Variants in MALRD1 observed in about 807,000 individuals in gnomAD.
The protein encoded by MALRD1 is MAM and LDL-receptor class A domain-containing protein 1.
MALRD1 carries 247 observed loss-of-function variants against 242.1 expected under a neutral mutation model. That is an observed-to-expected ratio of 1.02 (90% confidence interval 0.92 to 1.13). The LOEUF (loss-of-function observed/expected upper bound fraction) is 1.13. MALRD1 is among the 50% of genes most tolerant of loss of function. MALRD1 has a pLI of 0.00. For synonymous variants in MALRD1, 995 were observed against 866.6 expected, an observed-to-expected ratio of 1.15 and a Z score of -2.60; for missense variants, 2,989 against 2,533.1, an observed-to-expected ratio of 1.18 and a Z score of -3.86.
chr10:19,241,644 G>T (rs891977841), intron 18 of MALRD1, among the ~76,000 whole-genome samples: 1 of 151,870 alleles, frequency 6.6e-6, no homozygotes, highest in Non-Finnish European at 1.5e-5. Flanking sequence ...GTATAATTTT[G>T]CTTTGTGATT....
chr10:19,723,332 G>A (rs1006941605), intron 38 of MALRD1, among the ~76,000 whole-genome samples: 3 of 152,084 alleles, frequency 2.0e-5, no homozygotes, highest in African/African-American at 7.2e-5. Context: ...GAGTGGACAG[G>A]TTTTGACACT....
chr10:19,435,926 A>C (rs1834333410), intron 28 of MALRD1, among the ~76,000 whole-genome samples: 1 of 152,112 alleles, frequency 6.6e-6, no homozygotes. Flanking sequence ...CCATTTATTT[A>C]TATTAGTATG....
At chr10:19,650,949 G>A (rs1263241008) in intron 36 of MALRD1, among the ~76,000 whole-genome samples, 1 of 152,170 alleles carries the variant, frequency 6.6e-6, no homozygotes. Context: ...ATTAGAGAAT[G>A]CATCAGGAGT....
chr10:19,418,231 A>C (rs536736583), intron 28 of MALRD1, among the ~76,000 whole-genome samples: 1 of 152,194 alleles, frequency 6.6e-6, no homozygotes, highest in South Asian at 2.1e-4. Context: ...TATATTCAGT[A>C]AACTAGCTAG....
intron 26 of MALRD1, among the ~76,000 whole-genome samples, chr10:19,369,769 G>A (rs1845292274): frequency 6.6e-6 from 1 of 151,356 alleles, no homozygotes; most frequent in Admixed American, 6.6e-5. Flanking sequence ...CTATTTGTCT[G>A]ATTAACATTG....
At chr10:19,138,244 G>A (rs1833420687) in intron 10 of MALRD1, among the ~76,000 whole-genome samples, 2 of 152,080 alleles carry the variant, frequency 1.3e-5, no homozygotes, top group Admixed American at 1.3e-4. Flanking sequence ...CAAAACAAAC[G>A]ATGTAAGAGC....
intron 33 of MALRD1, among the ~76,000 whole-genome samples, chr10:19,594,522 A>G (rs10827627): frequency 0.41 from 61,929 of 152,000 alleles, 14,255 homozygotes; most frequent in Non-Finnish European, 0.53. Context: ...TATGAAAAAG[A>G]CACATCCTTA....
At chr10:19,127,329 A>G (rs1231218682) in intron 7 of MALRD1, among the ~76,000 whole-genome samples, 1 of 152,196 alleles carries the variant, frequency 6.6e-6, no homozygotes, top group South Asian at 2.1e-4. Flanking sequence ...ACTGTGCAAA[A>G]GACATTAATG....
intron 19 of MALRD1, among the ~76,000 whole-genome samples, chr10:19,279,641 G>A (rs185064575): frequency 6.6e-6 from 1 of 152,202 alleles, no homozygotes. Flanking sequence ...ATGAGGAGAT[G>A]TTAGATTTAT....
chr10:19,327,794 G>A (rs575610683), intron 23 of MALRD1, 121 bp downstream of exon 23: 75 of 756,038 alleles, frequency 9.9e-5, no homozygotes, highest in Non-Finnish European at 1.5e-4. Flanking sequence ...TTCTGTGGAT[G>A]CGTGGACACC....
In MALRD1 at chr10:19,491,573, A is replaced by C. The variant is rs1298896269; in HGVS notation, c.5086A>C (p.Lys1696Gln). The part of the protein sequence containing the change: ...EITDFLCRDK[K>Q]CIASHLLCDY... ...CACTGATTTTTTGTGCCGGGACAAG[A>C]AGTGCATTGCATCCCACCTTCTTTG... Residue 1696 changes from lysine (K) to glutamine (Q), a missense_variant, in exon 30 of 40, where the codon AAG becomes CAG. Transcript: ENST00000454679. The C allele has an allele frequency of 3.2e-6, 5 of 1,550,150 alleles. No individual in the cohort carries two copies. In the East Asian group the frequency reaches 9.8e-5, roughly 30 times the overall value.
intron 38 of MALRD1, among the ~76,000 whole-genome samples, chr10:19,696,255 A>G (rs1304405595): frequency 1.3e-5 from 2 of 152,172 alleles, no homozygotes; most frequent in Admixed American, 1.3e-4. Context: ...CATTCCTAGT[A>G]TGGGTTCCAA....
intron 26 of MALRD1, among the ~76,000 whole-genome samples, chr10:19,373,940 G>A (rs1376205160): frequency 6.6e-6 from 1 of 152,122 alleles, no homozygotes; most frequent in Admixed American, 6.5e-5. Flanking sequence ...CTCTCACCCT[G>A]AATAGTGCAA....
intron 28 of MALRD1, among the ~76,000 whole-genome samples, chr10:19,412,969 A>G (rs1190409118): frequency 6.6e-6 from 1 of 152,190 alleles, no homozygotes; most frequent in African/African-American, 2.4e-5. Context: ...AATTATTCCT[A>G]TATGATGTAT....
At chr10:19,338,290 G>C (rs1023757494) in intron 24 of MALRD1, among the ~76,000 whole-genome samples, 2 of 151,962 alleles carry the variant, frequency 1.3e-5, no homozygotes, top group Admixed American at 1.3e-4. Context: ...TTACAGAGTC[G>C]TTTCATTGCC....
At chr10:19,205,352 G>T (rs919241219) in intron 17 of MALRD1, 87 bp downstream of exon 17, 2 of 1,408,566 alleles carry the variant, frequency 1.4e-6, no homozygotes, top group Admixed American at 2.7e-5. Context: ...CAATCAAACC[G>T]ATAACAGTAA....
intron 38 of MALRD1, among the ~76,000 whole-genome samples, chr10:19,720,297 C>G (rs974647324): frequency 6.6e-6 from 1 of 152,176 alleles, no homozygotes; most frequent in Non-Finnish European, 1.5e-5. Flanking sequence ...GGCATCGTTT[C>G]AGCCTGGTGT....
rs546750385 is a variant in MALRD1 at position 19,581,560 on chromosome 10, T to G, written c.5681-13634T>G. Among the ~76,000 whole-genome samples the G allele has an allele frequency of 8.7e-5, 13 of 150,120 alleles. 1 individual carries two copies. The highest frequency in any genetic ancestry group is 3.5e-3 in the Middle Eastern group (1 of 282). On this transcript the variant is annotated intron_variant, in intron 33 of 39. Coordinates refer to ENST00000454679, the MANE Select transcript of MALRD1 (RefSeq NM_001142308.3). ...CAAAGGACATGAACTCATCATTTTT[T>G]ATGGCTGCATAGTATTCCATGGTGT...
intron 36 of MALRD1, among the ~76,000 whole-genome samples, chr10:19,677,479 TG>T (rs1482884697): frequency 2.0e-5 from 3 of 152,226 alleles, no homozygotes; most frequent in Admixed American, 2.0e-4. Context: ...GAGAAGTGTT[TG>T]TTCATGTCCT....
Sources: allele counts gnomAD v4.1 joint callset (sites outside exome capture counted in the v4.1 genomes callset), GRCh38; gene constraint gnomAD v4.1.1; transcripts MANE v1.5; gene names NCBI Gene and HGNC (gene_info 2026-07-23, HGNC 2026-07-21).